Variants in ZNF292 observed in about 807,000 individuals in gnomAD.
ZNF292 encodes the protein zinc finger protein 292, also known as 16 zinc-finger domain protein.
In ZNF292, 26 loss-of-function variants were observed where a neutral mutation model predicts 217.9. That is an observed-to-expected ratio of 0.12 (90% CI 0.09 to 0.17). The LOEUF is 0.17. Among genes scored for constraint, ZNF292 ranks in the 10% least tolerant of loss-of-function variants. The pLI is 1.00. For missense variants in ZNF292, 2,904 were observed against 3,175.2 expected (o/e 0.91, Z 2.05); for synonymous variants, 1,257 against 1,124.1 (o/e 1.12, Z -2.37).
rs1318216004 is a variant in ZNF292, at chr6:87,233,428, G to A, written c.642G>A (p.Leu214=). ...QLSQATALAK[L]CSDHPEIGIK... ...GTCAAGCAACTGCTCTAGCAAAGCT[G>A]TGTTCTGACCATCCAGAGATTGGCA... Residue 214 remains leucine, a synonymous_variant, in exon 5 of 8, where the codon CTG becomes CTA. Coordinates refer to ENST00000369577, the MANE Select transcript of ZNF292 (RefSeq NM_015021.3). The A allele has an allele frequency of 6.2e-7, 1 of 1,613,538 alleles. No individual in the cohort carries two copies. Among genetic ancestry groups the A allele is most frequent in the Non-Finnish European group, 8.5e-7 (1 of 1,179,714 alleles).
At chr6:87,251,689 A>G (rs889823435) in intron 7 of ZNF292, among the ~76,000 whole-genome samples, 73 of 152,376 alleles carry the variant, frequency 4.8e-4, no homozygotes, top group Admixed American at 1.3e-3. Context: ...TTTTAATTCA[A>G]CTTTTAAAAC....
intron 7 of ZNF292, among the ~76,000 whole-genome samples, chr6:87,250,583 ATGAAT>A (rs1454376059): frequency 1.3e-5 from 2 of 152,246 alleles, no homozygotes; most frequent in African/African-American, 4.8e-5. Flanking sequence ...TAATACAGAG[ATGAAT>A]TAAATTATGT....
chr6:87,181,375 TTCC>T (rs1401699150), intron 1 of ZNF292, among the ~76,000 whole-genome samples: 1 of 152,146 alleles, frequency 6.6e-6, no homozygotes, highest in Admixed American at 6.5e-5. Flanking sequence ...AGGTGCCTCT[TTCC>T]TCCTCTGCCA....
intron 5 of ZNF292, among the ~76,000 whole-genome samples, chr6:87,235,183 A>G (rs1773843172): frequency 6.6e-6 from 1 of 152,224 alleles, no homozygotes; most frequent in Non-Finnish European, 1.5e-5. Flanking sequence ...GTTCCAAATA[A>G]CTAGATAAGT....
chr6:87,206,365 A>G (rs1046239445), intron 1 of ZNF292, among the ~76,000 whole-genome samples: 1 of 152,046 alleles, frequency 6.6e-6, no homozygotes, highest in Admixed American at 6.5e-5. Flanking sequence ...TTCATAACAG[A>G]AAAGTTAAAA....
At chr6:87,197,414 C>T (rs753107548) in intron 1 of ZNF292, among the ~76,000 whole-genome samples, 79 of 127,368 alleles carry the variant, frequency 6.2e-4, no homozygotes, top group Non-Finnish European at 1.1e-3. Flanking sequence ...AGATTTTTAA[C>T]ATTTGGGTTT....
Position 87,155,757 on chromosome 6 carries a change from C to A in ZNF292, c.166C>A (p.Gln56Lys). Residue 56 changes from glutamine to lysine, a missense_variant and splice_region_variant, in exon 1 of 8, where the codon CAG (glutamine) becomes AAG (lysine). Around this residue, in one of 15 missense-constraint regions of ZNF292, gnomAD observed 313 missense variants for 451.0 expected, o/e 0.69. Coordinates refer to ENST00000369577, the MANE Select transcript of ZNF292 (RefSeq NM_015021.3). ...AATDYCQQLCQTLLEYAEKWK... is the reference protein window; with the variant it reads ...AATDYCQQLCKTLLEYAEKWK... ...CACCGACTACTGTCAGCAGCTGTGCCAGGTGAGGGCGCCCGGTGGTCCCCT... is the reference window on the plus strand; with the variant it reads ...CACCGACTACTGTCAGCAGCTGTGCAAGGTGAGGGCGCCCGGTGGTCCCCT... The A allele has an allele frequency of 6.3e-7, 1 of 1,591,192 alleles. No homozygotes were observed. Among genetic ancestry groups the A allele is most frequent in the Non-Finnish European group, 8.6e-7 (1 of 1,169,138 alleles).
At chr6:87,166,799 T>C (rs577897006) in intron 1 of ZNF292, among the ~76,000 whole-genome samples, 44 of 152,342 alleles carry the variant, frequency 2.9e-4, no homozygotes, top group African/African-American at 1.0e-3. Flanking sequence ...TGTTTCTATA[T>C]TGCATGCTCT....
At chr6:87,215,501 A>G (rs941597327) in intron 1 of ZNF292, among the ~76,000 whole-genome samples, 2 of 152,140 alleles carry the variant, frequency 1.3e-5, no homozygotes, top group African/African-American at 4.8e-5. Flanking sequence ...TTGTTGTTCA[A>G]TATTGAATTT....
In ZNF292 at chr6:87,259,836, A is replaced by C; in HGVS notation, c.6207A>C (p.Thr2069=). ...VITVTSEQCN[T]NALTNTQTKG... ...CAGTTACTTCAGAACAATGTAATAC[A>C]AATGCACTCACAAACACACAAACCA... Residue 2069 remains threonine (T), a synonymous_variant, in exon 8 of 8, where the codon ACA becomes ACC. Transcript: ENST00000369577. The C allele has an allele frequency of 1.2e-6, 2 of 1,612,934 alleles. No individual in the cohort carries two copies. Among genetic ancestry groups the C allele is most frequent in the Non-Finnish European group, 8.5e-7 (1 of 1,179,376 alleles).
At position 87,260,981 on chromosome 6, in the gene ZNF292, C is replaced by G; in HGVS notation, c.7352C>G (p.Ser2451Cys). Reference protein sequence around the residue: ...QEGAKNDVKDSDTCVSESNDN... With the variant: ...QEGAKNDVKDCDTCVSESNDN... ...GGTGCTAAGAATGATGTGAAAGATTCTGACACGTGTGTATCAGAGAGCAAT... is the reference window on the plus strand; with the variant it reads ...GGTGCTAAGAATGATGTGAAAGATTGTGACACGTGTGTATCAGAGAGCAAT... Residue 2451 changes from serine to cysteine, a missense_variant, in exon 8 of 8, where the codon TCT becomes TGT. Transcript: ENST00000369577. 5 of 1,608,346 alleles carry G rather than the reference C, an allele frequency of 3.1e-6. No individual in the cohort carries two copies. The highest frequency in any genetic ancestry group is 3.4e-6 in the Non-Finnish European group (4 of 1,177,072).
Position 87,160,513 on chromosome 6 carries a change from G to GTGTA in ZNF292, c.168+4755_168+4756insGTAT, listed in dbSNP as rs377563820. Among the ~76,000 whole-genome samples, 194 of 148,664 alleles carry GTGTA rather than the reference G, an allele frequency of 1.3e-3. 1 individual carries two copies. Among genetic ancestry groups the GTGTA allele is most frequent in the Admixed American group, 2.0e-3 (30 of 14,824 alleles). The stretch of plus-strand genomic sequence containing the variant: ...TATATGTGTGTGTGTGTGTGTGTGT[G>GTGTA]TATATATATGCAAGGACCTAGGTTT... On this transcript the variant is annotated intron_variant, in intron 1 of 7. Coordinates refer to ENST00000369577, the MANE Select transcript of ZNF292 (RefSeq NM_015021.3).
rs1231041250 is a variant in ZNF292, at chr6:87,155,714, A to G, written c.123A>G (p.Val41=). The G allele has an allele frequency of 6.3e-7, 1 of 1,597,930 alleles. No homozygotes were observed. Among genetic ancestry groups the G allele is most frequent in the South Asian group, 1.1e-5 (1 of 88,514 alleles). ...ELELQLRESR[V]PAVEAATDYC... ...AGCTACAGCTGCGGGAGAGCCGGGTACCGGCCGTGGAAGCGGCCACCGACT... is the reference window on the plus strand; with the variant it reads ...AGCTACAGCTGCGGGAGAGCCGGGTGCCGGCCGTGGAAGCGGCCACCGACT... Residue 41 remains valine, a synonymous_variant, in exon 1 of 8, where the codon GTA becomes GTG. Transcript: ENST00000369577.
At chr6:87,226,656 TATAG>T (rs1158567392) in intron 4 of ZNF292, among the ~76,000 whole-genome samples, 4 of 98,394 alleles carry the variant, frequency 4.1e-5, no homozygotes, top group Admixed American at 1.8e-4. Flanking sequence ...TCTATATATA[TATAG>T]ATATATAGAT....
At chr6:87,183,572 T>A (rs920042143) in intron 1 of ZNF292, among the ~76,000 whole-genome samples, 2 of 152,160 alleles carry the variant, frequency 1.3e-5, no homozygotes, top group Admixed American at 6.6e-5. Flanking sequence ...GAAAAAATAA[T>A]TTTTACAAAC....
chr6:87,243,688 T>G, intron 6 of ZNF292, 77 bp downstream of exon 6: 2 of 1,259,458 alleles, frequency 1.6e-6, no homozygotes, highest in South Asian at 2.1e-5. Context: ...TTCATATAAC[T>G]TAGGAACATA....
chr6:87,162,607 G>T (rs1468450662), intron 1 of ZNF292, among the ~76,000 whole-genome samples: 1 of 152,156 alleles, frequency 6.6e-6, no homozygotes, highest in East Asian at 1.9e-4. Flanking sequence ...TTGCATGTTA[G>T]AGATAATAAA....
At chr6:87,181,742 C>T (rs1336869968) in intron 1 of ZNF292, among the ~76,000 whole-genome samples, 2 of 151,714 alleles carry the variant, frequency 1.3e-5, no homozygotes, top group African/African-American at 4.8e-5. Flanking sequence ...AGTGCAGTGG[C>T]ACTGTCTCGA....
chr6:87,259,158 C>T lies in ZNF292; in HGVS notation c.5529C>T (p.Gly1843=). The change falls in exon 8 of 8, where the codon GGC becomes GGT. Residue 1843 remains glycine (G), a synonymous_variant. Transcript: ENST00000369577. ...ATCAAATACAGGAAATTTTAGAAGG[C>T]TTACAGAAATTAAAATTAGAAAATG... The part of the protein sequence containing the change: ...KEDQIQEILE[G]LQKLKLENDL... The T allele has an allele frequency of 6.2e-7, 1 of 1,613,282 alleles. No homozygotes were observed. Among genetic ancestry groups the T allele is most frequent in the Non-Finnish European group, 8.5e-7 (1 of 1,179,596 alleles).
Sources: gnomAD v4.1 joint callset for allele counts (sites outside exome capture counted in the v4.1 genomes callset) on GRCh38, gnomAD v4.1.1 for gene constraint, gnomAD v4.1.1 regional missense constraint, MANE v1.5 for transcripts, NCBI Gene and HGNC (gene_info 2026-07-23, HGNC 2026-07-21) for gene names.